AP1G1: variants seen among roughly 807,000 people sequenced by gnomAD.
The protein encoded by AP1G1 is AP-1 complex subunit gamma-1.
A neutral mutation model predicts 108.3 loss-of-function variants in AP1G1; 7 were observed. That is an observed-to-expected ratio of 0.06 (90% confidence interval 0.04 to 0.12). The LOEUF (loss-of-function observed/expected upper bound fraction) is 0.12, where lower values mean the gene tolerates loss of function less well. Among genes scored for constraint, AP1G1 ranks in the 10% least tolerant of loss-of-function variants. AP1G1 has a pLI of 1.00. For missense variants in AP1G1, 756 were observed against 1,010.7 expected, an observed-to-expected ratio of 0.75 and a Z score of 3.42; for synonymous variants, 379 against 353.5, an observed-to-expected ratio of 1.07 and a Z score of -0.81.
intron 12 of AP1G1, among the ~76,000 whole-genome samples, chr16:71,755,301 G>A (rs2030720342): frequency 6.6e-6 from 1 of 152,098 alleles, no homozygotes; most frequent in African/African-American, 2.4e-5. Context: ...GCAGGGTGTG[G>A]TGGCGTAAGC....
intron 2 of AP1G1, among the ~76,000 whole-genome samples, chr16:71,775,648 G>T (rs1295404935): frequency 6.6e-6 from 1 of 152,054 alleles, no homozygotes; most frequent in African/African-American, 2.4e-5. Flanking sequence ...TAACCATGAG[G>T]AATGTATAAT....
At chr16:71,792,025 G>C (rs1171996670) in intron 1 of AP1G1, among the ~76,000 whole-genome samples, 2 of 152,136 alleles carry the variant, frequency 1.3e-5, no homozygotes, top group African/African-American at 4.8e-5. Context: ...GCCTCCCAAA[G>C]TGCTGGGATT....
intron 11 of AP1G1, 44 bp downstream of exon 11, chr16:71,758,764 A>G (rs773922001): frequency 9.0e-6 from 11 of 1,223,568 alleles, no homozygotes; most frequent in African/African-American, 1.5e-5. Context: ...CTGTCACTCA[A>G]TTTACCAAAA....
Position 71,773,362 on chromosome 16 carries a change from A to G in AP1G1, c.327T>C (p.Asn109=). The G allele has an allele frequency of 6.7e-7, 1 of 1,500,012 alleles. No homozygotes were observed. The highest frequency in any genetic ancestry group is 1.4e-5 in the South Asian group (1 of 71,312). The allele number at this position is 1,500,012 out of a possible 1,614,324, so 92.9% of individuals were successfully genotyped here. A position where few individuals can be genotyped will look rare whatever the true frequency, so the allele number is the denominator to read the frequency against. Residue 109 remains asparagine (N), a splice_region_variant and synonymous_variant, in exon 4 of 23, where the codon AAT becomes AAC. Transcript: ENST00000299980. ...CGAATTGCGTGCTATGATTAAGATC[A>G]CTGCAAAAGAAAAGAGGAAGGTAGG... The part of the protein sequence containing the change: ...VHLLMTNCIK[N]DLNHSTQFVQ...
chr16:71,754,262 GA>G lies in AP1G1; in HGVS notation c.1230-376del. Among the ~76,000 whole-genome samples the G allele has an allele frequency of 4.2e-5, 6 of 143,938 alleles. No homozygotes were observed. The East Asian group carries it at 1.0e-3, about 24-fold the overall frequency. The allele number at this position is 143,938 out of a possible 152,430, so 94.4% of individuals were successfully genotyped here. On this transcript the variant is annotated intron_variant, in intron 12 of 22. Transcript: ENST00000299980. ...AAGAAAGAGAAGAGAAGAAAGAAAAGAAAGAAGGAAAGAAGATGGAAGGAAA... is the reference window on the plus strand; with the variant it reads ...AAGAAAGAGAAGAGAAGAAAGAAAAGAAGAAGGAAAGAAGATGGAAGGAAA...
intron 2 of AP1G1, among the ~76,000 whole-genome samples, chr16:71,777,012 G>A (rs1264211485): frequency 1.3e-5 from 2 of 149,820 alleles, no homozygotes; most frequent in African/African-American, 4.9e-5. Flanking sequence ...GGGAGGCTGA[G>A]GCAGGAGAAT....
At position 71,748,327 on chromosome 16, in the gene AP1G1, T is replaced by C. The variant is rs1471108794; in HGVS notation, c.1549A>G (p.Met517Val). 1.2e-6 allele frequency: 2 copies of C among 1,613,552 alleles called. No individual in the cohort carries two copies. The highest frequency in any genetic ancestry group is 2.2e-5 in the East Asian group (1 of 44,886). Reference sequence around the variant, plus strand: ...TAACCTCGTGTCACAGAGGTGGACATATTAGAGATTAGGACACTTTCTAAA... The same window carrying C: ...TAACCTCGTGTCACAGAGGTGGACACATTAGAGATTAGGACACTTTCTAAA... ...DILESVLISN[M>V]STSVTRGYAL... The change falls in exon 16 of 23, where the codon ATG becomes GTG. Residue 517 changes from methionine (M) to valine (V), a missense_variant. By Grantham distance (21) the Met-to-Val change is conservative (BLOSUM62 1). This residue lies in a region of AP1G1 where 357 missense variants were observed against 366.5 expected (regional missense o/e 0.97). Transcript: ENST00000299980.
At chr16:71,755,344 G>C (rs554211202) in intron 12 of AP1G1, among the ~76,000 whole-genome samples, 8 of 152,202 alleles carry the variant, frequency 5.3e-5, no homozygotes, top group African/African-American at 1.9e-4. Flanking sequence ...GGCTGAGGCA[G>C]GAGGATCCCC....
chr16:71,778,525 T>C (rs947645368), intron 2 of AP1G1, among the ~76,000 whole-genome samples: 3 of 151,684 alleles, frequency 2.0e-5, no homozygotes, highest in African/African-American at 7.3e-5. Context: ...TCTACTGAAA[T>C]ACAAAAAATT....
rs557376889 is a variant in AP1G1 at position 71,796,785 on chromosome 16, T to A, written c.-3-7303A>T. On this transcript the variant is annotated intron_variant, in intron 1 of 22. Coordinates refer to ENST00000299980, the MANE Select transcript of AP1G1 (RefSeq NM_001128.6). ...AGGAATCTTATTTTATGCTTAATTATCCATAACCAAAATTCACCAGAACTG... is the reference window on the plus strand; with the variant it reads ...AGGAATCTTATTTTATGCTTAATTAACCATAACCAAAATTCACCAGAACTG... Among the ~76,000 whole-genome samples the A allele has an allele frequency of 6.6e-5, 10 of 152,252 alleles. No individual in the cohort carries two copies. The East Asian group carries it at 1.9e-3, about 29-fold the overall frequency.
At position 71,758,878 on chromosome 16, in the gene AP1G1, G is replaced by A; in HGVS notation, c.1018C>T (p.His340Tyr). Residue 340 changes from histidine (H) to tyrosine (Y), a missense_variant, in exon 11 of 23, where the codon CAT becomes TAT. By Grantham distance (83) the His-to-Tyr change is moderately conservative. Transcript: ENST00000299980. The part of the protein sequence containing the change: ...TSLLKTVQTD[H>Y]NAVQRHRSTI... ...CTTCTGTGCCTCTGTACTGCATTATGATCTGTCTGTACAGTCTTCAACAAA... is the reference window on the plus strand; with the variant it reads ...CTTCTGTGCCTCTGTACTGCATTATAATCTGTCTGTACAGTCTTCAACAAA... 1.2e-6 allele frequency: 2 copies of A among 1,611,098 alleles called. No individual in the cohort carries two copies. The highest frequency in any genetic ancestry group is 1.7e-6 in the Non-Finnish European group (2 of 1,179,068).
chr16:71,767,996 A>C (rs1275400744), intron 6 of AP1G1: 3 of 1,287,282 alleles, frequency 2.3e-6, no homozygotes, highest in Non-Finnish European at 3.3e-6. Context: ...CAAGACATGA[A>C]CATCTAAGGG....
At chr16:71,784,632 C>T (rs1438623966) in intron 2 of AP1G1, among the ~76,000 whole-genome samples, 1 of 151,978 alleles carries the variant, frequency 6.6e-6, no homozygotes, top group African/African-American at 2.4e-5. Flanking sequence ...GATCTCGGCT[C>T]ACTGCAACCT....
intron 13 of AP1G1, chr16:71,753,535 C>A (rs571017710): frequency 5.2e-4 from 180 of 344,410 alleles, no homozygotes; most frequent in African/African-American, 3.5e-3. Context: ...ACGATCTCTG[C>A]ATGGCTTGCA....
intron 22 of AP1G1, among the ~76,000 whole-genome samples, chr16:71,734,091 A>G (rs1215426508): frequency 6.6e-6 from 1 of 152,254 alleles, no homozygotes; most frequent in African/African-American, 2.4e-5. Context: ...GTAGAGCTCT[A>G]TTAAAGAAAT....
chr16:71,806,711 T>C (rs1251492693), intron 1 of AP1G1: 1 of 1,288,524 alleles, frequency 7.8e-7, no homozygotes, highest in African/African-American at 1.5e-5. Flanking sequence ...TACATAGGTG[T>C]TCAGTGTTTG....
At chr16:71,763,206 A>G (rs1179978768) in intron 9 of AP1G1, among the ~76,000 whole-genome samples, 1 of 152,184 alleles carries the variant, frequency 6.6e-6, no homozygotes, top group Non-Finnish European at 1.5e-5. Context: ...AAAACAAAAC[A>G]AAAAAGAAGT....
chr16:71,749,777 C>T (rs982552906), intron 15 of AP1G1, 117 bp downstream of exon 15: 2 of 817,692 alleles, frequency 2.4e-6, no homozygotes, highest in African/African-American at 1.7e-5. Context: ...AGGCATGAGC[C>T]ACCACGCCTG....
chr16:71,798,057 C>A (rs879038744), intron 1 of AP1G1, among the ~76,000 whole-genome samples: 21 of 151,910 alleles, frequency 1.4e-4, no homozygotes, highest in African/African-American at 4.4e-4. Flanking sequence ...AGGAACTATA[C>A]GAAAAAAACT....
Sources: allele counts gnomAD v4.1 joint callset (sites outside exome capture counted in the v4.1 genomes callset), GRCh38; gene constraint gnomAD v4.1.1; regional missense constraint gnomAD v4.1.1; transcripts MANE v1.5; gene names NCBI Gene and HGNC (gene_info 2026-07-23, HGNC 2026-07-21).